DCC: variants seen among roughly 807,000 people sequenced by gnomAD.
The protein encoded by DCC is DCC netrin 1 receptor.
In DCC, 58 loss-of-function variants were observed where a neutral mutation model predicts 172.5. That is an observed-to-expected ratio of 0.34 (90% CI 0.27 to 0.42). The LOEUF (loss-of-function observed/expected upper bound fraction) is 0.42. Ranked by LOEUF, DCC falls within the 10% of genes least tolerant of loss-of-function variation. The pLI is 1.00. For synonymous variants in DCC, 709 were observed against 644.5 expected (o/e 1.10, Z -1.52); for missense variants, 1,740 against 1,791.0 (o/e 0.97, Z 0.51).
At chr18:53,526,913 T>A in intron 28 of DCC, 154 bp downstream of exon 28, 1 of 744,098 alleles carries the variant, frequency 1.3e-6, no homozygotes, top group Non-Finnish European at 2.3e-6. Context: ...TTCCTGCACT[T>A]AAATATGAAG....
intron 1 of DCC, among the ~76,000 whole-genome samples, chr18:52,736,864 T>C (rs1305393829): frequency 6.6e-6 from 1 of 152,106 alleles, no homozygotes; most frequent in Non-Finnish European, 1.5e-5. Context: ...CACATGTTGA[T>C]GAAAAGTCTC....
chr18:52,465,973 T>A (rs895998774), intron 1 of DCC, among the ~76,000 whole-genome samples: 10 of 152,250 alleles, frequency 6.6e-5, no homozygotes, highest in African/African-American at 2.2e-4. Context: ...AAAATGTGCT[T>A]ATTTCTCCAA....
chr18:53,101,325 G>A (rs562033833), intron 7 of DCC, among the ~76,000 whole-genome samples: 1 of 152,064 alleles, frequency 6.6e-6, no homozygotes, highest in East Asian at 1.9e-4. Context: ...GCAAGTCAGA[G>A]ATGAGTAGGG....
intron 2 of DCC, among the ~76,000 whole-genome samples, chr18:52,836,038 C>T (rs2038698522): frequency 6.6e-6 from 1 of 152,160 alleles, no homozygotes; most frequent in African/African-American, 2.4e-5. Flanking sequence ...CAAACATGTC[C>T]TTCTTCACAT....
At chr18:52,460,308 T>A (rs1988592397) in intron 1 of DCC, among the ~76,000 whole-genome samples, 1 of 152,210 alleles carries the variant, frequency 6.6e-6, no homozygotes, top group Admixed American at 6.5e-5. Flanking sequence ...TGTCTCCATA[T>A]GGCTAAACCC....
chr18:52,611,406 T>C (rs1237061181), intron 1 of DCC, among the ~76,000 whole-genome samples: 1 of 152,206 alleles, frequency 6.6e-6, no homozygotes, highest in East Asian at 1.9e-4. Context: ...CACACATGTT[T>C]TTCAGTACTC....
intron 1 of DCC, among the ~76,000 whole-genome samples, chr18:52,587,900 A>G (rs1304272861): frequency 6.6e-6 from 1 of 152,164 alleles, no homozygotes; most frequent in Non-Finnish European, 1.5e-5. Context: ...AGTGGAAACC[A>G]TGGGCATTTA....
intron 1 of DCC, among the ~76,000 whole-genome samples, chr18:52,483,049 GC>G (rs1212852003): frequency 2.6e-5 from 4 of 152,004 alleles, no homozygotes; most frequent in African/African-American, 7.2e-5. Flanking sequence ...GCCTCTTCCA[GC>G]TTTTGGTGAC....
At chr18:53,198,120 A>C (rs1336297996) in intron 9 of DCC, among the ~76,000 whole-genome samples, 1 of 152,178 alleles carries the variant, frequency 6.6e-6, no homozygotes, top group Admixed American at 6.5e-5. Context: ...AGTAATTAAC[A>C]ATCACTATGA....
chr18:52,656,027 T>TGTGC (rs1568277653), intron 1 of DCC, among the ~76,000 whole-genome samples: 2 of 116,086 alleles, frequency 1.7e-5, no homozygotes, highest in South Asian at 3.0e-4. Context: ...TGTATATATA[T>TGTGC]GTATATATGT....
chr18:52,553,074 A>C (rs1260063518), intron 1 of DCC, among the ~76,000 whole-genome samples: 1 of 152,194 alleles, frequency 6.6e-6, no homozygotes, highest in Middle Eastern at 3.4e-3. Flanking sequence ...TCATTCCAAA[A>C]CGGCAGAAAT....
chr18:52,875,001 T>G (rs116633877), intron 2 of DCC, among the ~76,000 whole-genome samples: 2,686 of 152,172 alleles, frequency 0.018, 65 homozygotes, highest in African/African-American at 0.048. Context: ...CATCTGACTT[T>G]GGGATGACTA....
chr18:52,675,769 G>A (rs140559624), intron 1 of DCC, among the ~76,000 whole-genome samples: 12 of 152,302 alleles, frequency 7.9e-5, no homozygotes, highest in African/African-American at 2.6e-4. Context: ...GGCAACAAGC[G>A]TTGACATAGA....
At chr18:52,888,519 C>G (rs1352724677) in intron 2 of DCC, among the ~76,000 whole-genome samples, 2 of 151,756 alleles carry the variant, frequency 1.3e-5, no homozygotes, top group African/African-American at 4.8e-5. Context: ...ATGAAAGAAC[C>G]CAAGTCAGCT....
At chr18:52,969,438 A>G (rs1470334946) in intron 5 of DCC, among the ~76,000 whole-genome samples, 2 of 152,154 alleles carry the variant, frequency 1.3e-5, no homozygotes, top group African/African-American at 2.4e-5. Context: ...CCTCACTTCC[A>G]TTGACCATTG....
chr18:53,222,894 T>C (rs2055965030), intron 12 of DCC, among the ~76,000 whole-genome samples: 1 of 152,122 alleles, frequency 6.6e-6, no homozygotes, highest in Non-Finnish European at 1.5e-5. Context: ...ACATTACAAA[T>C]GAGAACAATG....
intron 5 of DCC, among the ~76,000 whole-genome samples, chr18:52,992,342 G>A (rs11660830): frequency 1.3e-5 from 2 of 152,284 alleles, no homozygotes; most frequent in Non-Finnish European, 2.9e-5. Flanking sequence ...AGAATTTTCA[G>A]CTAGCCTGTT....
intron 2 of DCC, among the ~76,000 whole-genome samples, chr18:52,847,634 T>C (rs1020779074): frequency 6.6e-6 from 1 of 152,150 alleles, no homozygotes; most frequent in African/African-American, 2.4e-5. Flanking sequence ...CCAAGACACA[T>C]ACTCCCAATT....
chr18:53,367,562 A>T (rs1167698369), intron 15 of DCC, among the ~76,000 whole-genome samples: 1 of 152,186 alleles, frequency 6.6e-6, no homozygotes. Flanking sequence ...TAAAGTATAC[A>T]ACTCAATGTC....
Sources: gnomAD v4.1 joint callset for allele counts (sites outside exome capture counted in the v4.1 genomes callset) on GRCh38, gnomAD v4.1.1 for gene constraint, MANE v1.5 for transcripts, NCBI Gene and HGNC (gene_info 2026-07-23, HGNC 2026-07-21) for gene names.